Variants in DLC1 observed in about 807,000 individuals in gnomAD.
DLC1 encodes the protein DLC1 Rho GTPase activating protein, also known as rho GTPase-activating protein 7.
In DLC1, 54 loss-of-function variants were observed where a neutral mutation model predicts 140.3. The observed-to-expected ratio is 0.38, with a 90% CI of 0.31 to 0.48. DLC1 has a LOEUF of 0.48. DLC1 is among the 20% of genes least tolerant of loss of function. The pLI is 0.96. For synonymous variants in DLC1, 986 were observed against 728.1 expected, an observed-to-expected ratio of 1.35 and a Z score of -5.70; for missense variants, 2,536 against 1,907.0, an observed-to-expected ratio of 1.33 and a Z score of -6.14.
intron 4 of DLC1, among the ~76,000 whole-genome samples, chr8:13,335,050 A>C (rs1416661797): frequency 1.3e-5 from 2 of 152,188 alleles, no homozygotes; most frequent in East Asian, 3.9e-4. Context: ...GGGAGAGACA[A>C]GTCTGGACTC....
intron 5 of DLC1, among the ~76,000 whole-genome samples, chr8:13,116,638 C>T (rs1345388635): frequency 6.6e-6 from 1 of 152,152 alleles, no homozygotes; most frequent in South Asian, 2.1e-4. Flanking sequence ...TGTAACACAT[C>T]TTATTTTTGT....
At chr8:13,109,041 CTGTT>C (rs1480526290) in intron 7 of DLC1, among the ~76,000 whole-genome samples, 1 of 152,158 alleles carries the variant, frequency 6.6e-6, no homozygotes, top group Non-Finnish European at 1.5e-5. Flanking sequence ...GTTAAGAGGA[CTGTT>C]TGTTTTTTCC....
At chr8:13,537,315 A>C (rs531926494) in intron 1 of DLC1, among the ~76,000 whole-genome samples, 1 of 152,210 alleles carries the variant, frequency 6.6e-6, no homozygotes, top group South Asian at 2.1e-4. Flanking sequence ...AACTGTGATC[A>C]CGTGGGACAT....
intron 5 of DLC1, among the ~76,000 whole-genome samples, chr8:13,297,869 T>G (rs982988616): frequency 5.2e-5 from 7 of 134,018 alleles, no homozygotes; most frequent in African/African-American, 1.9e-4. Flanking sequence ...CATTTTAGTT[T>G]TTTTTTGTTG....
chr8:13,455,533 G>T (rs1313178898), intron 2 of DLC1, among the ~76,000 whole-genome samples: 1 of 152,168 alleles, frequency 6.6e-6, no homozygotes, highest in Non-Finnish European at 1.5e-5. Context: ...TATTCGGGAA[G>T]ACTCTACAGC....
intron 1 of DLC1, among the ~76,000 whole-genome samples, chr8:13,536,822 C>A (rs1017604248): frequency 6.6e-6 from 1 of 152,170 alleles, no homozygotes; most frequent in African/African-American, 2.4e-5. Flanking sequence ...CAATCTCCTT[C>A]CTTTTAATCC....
intron 4 of DLC1, among the ~76,000 whole-genome samples, chr8:13,359,414 G>A (rs1047740171): frequency 9.2e-5 from 14 of 152,094 alleles, no homozygotes; most frequent in Admixed American, 8.5e-4. Flanking sequence ...CAAAAGACTT[G>A]GGACTCAAAT....
At chr8:13,268,780 A>G (rs983008479) in intron 5 of DLC1, among the ~76,000 whole-genome samples, 4 of 151,716 alleles carry the variant, frequency 2.6e-5, no homozygotes, top group Admixed American at 1.3e-4. Flanking sequence ...CCATGAGGGG[A>G]AGTGGGGCCT....
chr8:13,192,575 C>T (rs1563153138), intron 5 of DLC1, among the ~76,000 whole-genome samples: 2 of 152,282 alleles, frequency 1.3e-5, no homozygotes, highest in East Asian at 3.9e-4. Context: ...AAGTCAGGGT[C>T]TCTAGTCTGT....
intron 1 of DLC1, among the ~76,000 whole-genome samples, chr8:13,591,553 T>A (rs577334112): frequency 6.6e-6 from 1 of 152,250 alleles, no homozygotes; most frequent in East Asian, 1.9e-4. Flanking sequence ...ACCTCTTTTC[T>A]TCATAAATTA....
intron 9 of DLC1, 54 bp downstream of exon 9, chr8:13,099,293 A>C: frequency 6.4e-7 from 1 of 1,560,072 alleles, no homozygotes. Context: ...AGCACAGGCA[A>C]TGTCTTTCTG....
chr8:13,575,023 G>A (rs1239882498), intron 1 of DLC1, among the ~76,000 whole-genome samples: 1 of 152,120 alleles, frequency 6.6e-6, no homozygotes, highest in African/African-American at 2.4e-5. Flanking sequence ...TACACAAATA[G>A]TCAATTTGAG....
intron 5 of DLC1, among the ~76,000 whole-genome samples, chr8:13,201,923 T>G (rs986887782): frequency 2.5e-5 from 2 of 79,110 alleles, no homozygotes; most frequent in Admixed American, 1.4e-4. Flanking sequence ...CCCAAAAGGT[T>G]TTTTTTTTTT....
intron 5 of DLC1, among the ~76,000 whole-genome samples, chr8:13,171,274 G>A (rs1396231581): frequency 6.6e-6 from 1 of 152,176 alleles, no homozygotes; most frequent in Admixed American, 6.5e-5. Flanking sequence ...CATTTAGGCT[G>A]TGTCAACCTG....
intron 5 of DLC1, among the ~76,000 whole-genome samples, chr8:13,274,088 A>G (rs532006339): frequency 6.6e-6 from 1 of 152,294 alleles, no homozygotes; most frequent in East Asian, 1.9e-4. Flanking sequence ...ACATATAACA[A>G]AGATTTTCTC....
chr8:13,298,500 T>C (rs1023566043), intron 5 of DLC1, among the ~76,000 whole-genome samples: 3 of 152,232 alleles, frequency 2.0e-5, no homozygotes, highest in African/African-American at 7.2e-5. Flanking sequence ...TTACAGAACA[T>C]CTATATTTTA....
chr8:13,170,480 C>T (rs1440306996), intron 5 of DLC1, among the ~76,000 whole-genome samples: 1 of 152,140 alleles, frequency 6.6e-6, no homozygotes, highest in Non-Finnish European at 1.5e-5. Context: ...CCTGTAATCC[C>T]AGCACTTTGC....
At chr8:13,208,745 GACACACACACAC>G (rs56989279) in intron 5 of DLC1, among the ~76,000 whole-genome samples, 3 of 147,804 alleles carry the variant, frequency 2.0e-5, no homozygotes, top group African/African-American at 4.9e-5. Flanking sequence ...CATACACACA[GACACACACACAC>G]ACACACACAC....
At chr8:13,163,829 A>C (rs146867927) in intron 5 of DLC1, among the ~76,000 whole-genome samples, 1 of 152,114 alleles carries the variant, frequency 6.6e-6, no homozygotes, top group Non-Finnish European at 1.5e-5. Flanking sequence ...AAAAAAATGC[A>C]CCAAAACAAC....
Sources: allele counts gnomAD v4.1 joint callset (sites outside exome capture counted in the v4.1 genomes callset), GRCh38; gene constraint gnomAD v4.1.1; transcripts MANE v1.5; gene names NCBI Gene and HGNC (gene_info 2026-07-23, HGNC 2026-07-21).